RAB38: variants seen among roughly 807,000 people sequenced by gnomAD.
The protein encoded by RAB38 is ras-related protein Rab-38.
A neutral mutation model predicts 18.4 loss-of-function variants in RAB38; 15 were observed. The observed-to-expected ratio is 0.82, with a 90% confidence interval of 0.55 to 1.26. The LOEUF is 1.26. Ranked by LOEUF, RAB38 falls within the 50% of genes most tolerant of loss-of-function variation. The pLI, the probability that RAB38 is intolerant of heterozygous loss-of-function variation, is 0.00. For missense variants in RAB38, 294 were observed against 267.4 expected, an observed-to-expected ratio of 1.10 and a Z score of -0.69; for synonymous variants, 101 against 104.4, an observed-to-expected ratio of 0.97 and a Z score of 0.20.
the RAB38 span, among the ~76,000 whole-genome samples, chr11:88,064,305 A>T: frequency 3.9e-5 from 6 of 152,246 alleles, no homozygotes; most frequent in African/African-American, 1.4e-4. Flanking sequence ...GACAAACAGG[A>T]AGATAACATT....
At chr11:87,910,111 G>A in the RAB38 span, among the ~76,000 whole-genome samples, 1 of 152,068 alleles carries the variant, frequency 6.6e-6, no homozygotes, top group African/African-American at 2.4e-5. Context: ...TCTAATAGAT[G>A]TGTAGTGGTA....
rs372097865 is a variant in RAB38, at chr11:88,174,632, A to C, written c.202+551T>G. On this transcript the variant is annotated intron_variant, in intron 1 of 2. Transcript: ENST00000243662. Reference sequence around the variant, plus strand: ...TGTAAGCAAAAAGCAAAAAAAAAAAAAAAAAAAAACAAAACAAAAACCCTC... The same window carrying C: ...TGTAAGCAAAAAGCAAAAAAAAAAACAAAAAAAAACAAAACAAAAACCCTC... 2.9e-3 allele frequency among the ~76,000 whole-genome samples: 429 copies of C among 148,076 alleles called. 7 individuals are homozygous for C. The highest frequency in any genetic ancestry group is 8.4e-3 in the African/African-American group (334 of 39,966).
chr11:87,866,573 G>A, the RAB38 span, among the ~76,000 whole-genome samples: 1 of 151,600 alleles, frequency 6.6e-6, no homozygotes, highest in African/African-American at 2.4e-5. Flanking sequence ...TATACTTATC[G>A]ACAGAACTAC....
the RAB38 span, among the ~76,000 whole-genome samples, chr11:87,962,459 A>C: frequency 6.6e-6 from 1 of 152,094 alleles, no homozygotes; most frequent in African/African-American, 2.4e-5. Flanking sequence ...ACCTGACCTC[A>C]GGCAAGGAGT....
the RAB38 span, among the ~76,000 whole-genome samples, chr11:87,948,936 A>T: frequency 6.6e-6 from 1 of 151,866 alleles, no homozygotes; most frequent in East Asian, 1.9e-4. Flanking sequence ...CTCTTTTTCT[A>T]TTGATTGGAA....
chr11:87,843,171 C>T, the RAB38 span, among the ~76,000 whole-genome samples: 31 of 152,182 alleles, frequency 2.0e-4, no homozygotes, highest in Middle Eastern at 3.2e-3. Context: ...TGTTTGCATC[C>T]GCTTATGTCT....
chr11:87,873,884 A>G, the RAB38 span, among the ~76,000 whole-genome samples: 139,938 of 140,476 alleles, frequency 1, 69,703 homozygotes, highest in Middle Eastern at 1. Flanking sequence ...GTGTATATAT[A>G]TGTGTGTGTA....
the RAB38 span, among the ~76,000 whole-genome samples, chr11:87,912,762 C>CTTTTTTTTTTTTT: frequency 1.6e-4 from 14 of 86,516 alleles, no homozygotes; most frequent in East Asian, 7.6e-4. Flanking sequence ...AATTTTCTTT[C>CTTTTTTTTTTTTT]TTTCTTTTTT....
At chr11:87,860,649 G>T in the RAB38 span, among the ~76,000 whole-genome samples, 1 of 151,870 alleles carries the variant, frequency 6.6e-6, no homozygotes, top group Admixed American at 6.6e-5. Context: ...CTGAGTGACC[G>T]ATTGTTTCAC....
At chr11:87,948,872 C>T in the RAB38 span, among the ~76,000 whole-genome samples, 845 of 152,006 alleles carry the variant, frequency 5.6e-3, 5 homozygotes, top group Non-Finnish European at 9.6e-3. Flanking sequence ...TGTCTCTGCC[C>T]GGCTTTGGTA....
the RAB38 span, among the ~76,000 whole-genome samples, chr11:87,976,547 T>A: frequency 1.6e-5 from 2 of 127,042 alleles, no homozygotes; most frequent in African/African-American, 5.9e-5. Flanking sequence ...ATTTATATTT[T>A]ATATATACTT....
chr11:87,969,180 A>T, the RAB38 span, among the ~76,000 whole-genome samples: 1 of 152,142 alleles, frequency 6.6e-6, no homozygotes. Flanking sequence ...ACAATAAAAA[A>T]TTATGATGTA....
At chr11:88,038,479 A>G in the RAB38 span, among the ~76,000 whole-genome samples, 1 of 152,128 alleles carries the variant, frequency 6.6e-6, no homozygotes, top group East Asian at 1.9e-4. Flanking sequence ...TTATTTATCA[A>G]TTTAGATGCA....
the RAB38 span, among the ~76,000 whole-genome samples, chr11:88,106,197 GA>G: frequency 6.6e-6 from 1 of 151,802 alleles, no homozygotes. Flanking sequence ...AGAAAAAAAA[GA>G]AACTAACATA....
chr11:87,897,928 T>C, the RAB38 span, among the ~76,000 whole-genome samples: 3 of 151,568 alleles, frequency 2.0e-5, no homozygotes, highest in Non-Finnish European at 4.4e-5. Flanking sequence ...TCAGAATCCT[T>C]GTCATCATAT....
chr11:88,007,370 AT>A, the RAB38 span, among the ~76,000 whole-genome samples: 11 of 143,104 alleles, frequency 7.7e-5, no homozygotes, highest in Admixed American at 7.2e-4. Flanking sequence ...ACATATACTT[AT>A]ATTTGAAAGA....
At chr11:88,071,561 C>T in the RAB38 span, among the ~76,000 whole-genome samples, 1 of 152,198 alleles carries the variant, frequency 6.6e-6, no homozygotes, top group Non-Finnish European at 1.5e-5. Context: ...CAATGTTTTA[C>T]TGCCATATAA....
chr11:88,134,645 G>T (rs1942810872), intron 2 of RAB38, among the ~76,000 whole-genome samples: 1 of 152,158 alleles, frequency 6.6e-6, no homozygotes, highest in Non-Finnish European at 1.5e-5. Context: ...GAAATCCTGT[G>T]TCTGAAGAAC....
At chr11:88,010,555 C>G in the RAB38 span, among the ~76,000 whole-genome samples, 2 of 152,140 alleles carry the variant, frequency 1.3e-5, no homozygotes, top group South Asian at 4.2e-4. Flanking sequence ...AAGATGGAAA[C>G]CTAATTAGGT....
Sources: allele counts gnomAD v4.1 joint callset (sites outside exome capture counted in the v4.1 genomes callset), GRCh38; gene constraint gnomAD v4.1.1; transcripts MANE v1.5; gene names NCBI Gene and HGNC (gene_info 2026-07-23, HGNC 2026-07-21).